HECW1: variants seen among roughly 807,000 people sequenced by gnomAD.
HECW1 encodes the protein HECT, C2 and WW domain containing E3 ubiquitin protein ligase 1, also known as E3 ubiquitin-protein ligase HECW1.
HECW1 carries 61 observed loss-of-function variants against 182.3 expected under a neutral mutation model. The ratio of observed to expected loss-of-function variants is 0.33; its 90% confidence interval spans 0.27 to 0.41. The LOEUF (loss-of-function observed/expected upper bound fraction) is 0.41, where lower values mean the gene tolerates loss of function less well. Ranked by LOEUF, HECW1 falls within the 10% of genes least tolerant of loss-of-function variation. The probability of loss-of-function intolerance (pLI) is 1.00; values close to 1 mark genes in which losing one functional copy is unlikely to be tolerated. For synonymous variants in HECW1, 859 were observed against 832.6 expected, an observed-to-expected ratio of 1.03 and a Z score of -0.55; for missense variants, 1,739 against 2,108.9, an observed-to-expected ratio of 0.82 and a Z score of 3.44.
intron 2 of HECW1, among the ~76,000 whole-genome samples, chr7:43,136,025 G>T (rs1583639576): frequency 6.9e-6 from 1 of 144,716 alleles, no homozygotes; most frequent in African/African-American, 2.6e-5. Context: ...TTCAAACTGT[G>T]ATTTTCCCCA....
chr7:43,247,965 A>G (rs1799588534), intron 3 of HECW1, among the ~76,000 whole-genome samples: 1 of 132,316 alleles, frequency 7.6e-6, no homozygotes, highest in Admixed American at 7.3e-5. Context: ...AGGAAAGAAA[A>G]AGAGAAAGGA....
intron 2 of HECW1, among the ~76,000 whole-genome samples, chr7:43,231,260 T>C (rs1485313667): frequency 6.6e-6 from 1 of 152,248 alleles, no homozygotes; most frequent in Non-Finnish European, 1.5e-5. Context: ...CTGGGAATCA[T>C]ATGTCCCTCC....
chr7:43,466,830 C>G (rs1206044140), intron 15 of HECW1, among the ~76,000 whole-genome samples: 1 of 152,104 alleles, frequency 6.6e-6, no homozygotes, highest in African/African-American at 2.4e-5. Flanking sequence ...GGAAACAAAC[C>G]TGTTTTTATT....
At chr7:43,183,415 G>A (rs1370748975) in intron 2 of HECW1, among the ~76,000 whole-genome samples, 1 of 152,104 alleles carries the variant, frequency 6.6e-6, no homozygotes. Flanking sequence ...ACACAATGTA[G>A]ACTCATTATT....
intron 24 of HECW1, among the ~76,000 whole-genome samples, chr7:43,532,172 TC>T (rs1167930360): frequency 6.6e-6 from 1 of 152,218 alleles, no homozygotes; most frequent in Non-Finnish European, 1.5e-5. Flanking sequence ...CGTGGACTGT[TC>T]CTGGTGCCTC....
intron 12 of HECW1, among the ~76,000 whole-genome samples, chr7:43,454,528 G>C (rs1265291968): frequency 1.3e-5 from 2 of 152,180 alleles, no homozygotes; most frequent in Non-Finnish European, 2.9e-5. Flanking sequence ...ATAATCATTA[G>C]ATCTATTTTA....
intron 13 of HECW1, among the ~76,000 whole-genome samples, chr7:43,462,611 T>G (rs1014505459): frequency 5.9e-5 from 9 of 152,094 alleles, no homozygotes; most frequent in African/African-American, 2.2e-4. Flanking sequence ...TGCGGGTGAT[T>G]CTGCGTAGCT....
intron 8 of HECW1, among the ~76,000 whole-genome samples, chr7:43,435,116 A>G (rs17801445): frequency 0.18 from 27,104 of 151,124 alleles, 3,049 homozygotes; most frequent in Non-Finnish European, 0.26. Flanking sequence ...CCATCTTATT[A>G]GCATTTAGTG....
intron 24 of HECW1, among the ~76,000 whole-genome samples, chr7:43,521,297 A>G (rs1301391144): frequency 6.6e-6 from 1 of 152,174 alleles, no homozygotes; most frequent in Non-Finnish European, 1.5e-5. Context: ...GTACAGTAGC[A>G]CCACCACGAT....
At chr7:43,443,699 T>A (rs952152869) in intron 10 of HECW1, among the ~76,000 whole-genome samples, 8 of 152,306 alleles carry the variant, frequency 5.3e-5, no homozygotes, top group Non-Finnish European at 8.8e-5. Context: ...GCCTGAGATA[T>A]TGAATGACTG....
At chr7:43,184,597 G>A (rs988897499) in intron 2 of HECW1, among the ~76,000 whole-genome samples, 2 of 152,142 alleles carry the variant, frequency 1.3e-5, no homozygotes, top group East Asian at 3.9e-4. Flanking sequence ...TTAGAGGATT[G>A]GGACTTTCAG....
chr7:43,339,013 C>T (rs1430319772), intron 5 of HECW1, among the ~76,000 whole-genome samples: 1 of 152,128 alleles, frequency 6.6e-6, no homozygotes, highest in Non-Finnish European at 1.5e-5. Flanking sequence ...TGTCATTTAT[C>T]TTCTGAAAAG....
intron 3 of HECW1, among the ~76,000 whole-genome samples, chr7:43,300,237 C>T (rs1806565369): frequency 6.6e-6 from 1 of 152,216 alleles, no homozygotes; most frequent in Non-Finnish European, 1.5e-5. Context: ...ATAGGAATCT[C>T]TTGAGGTAAA....
At chr7:43,308,258 TATG>T in intron 3 of HECW1, among the ~76,000 whole-genome samples, 3 of 101,032 alleles carry the variant, frequency 3.0e-5, no homozygotes, top group East Asian at 2.2e-4. Flanking sequence ...ATATATATTA[TATG>T]ATATATTTAT....
chr7:43,480,674 CAT>C (rs2078398333), intron 17 of HECW1, among the ~76,000 whole-genome samples: 1 of 138,612 alleles, frequency 7.2e-6, no homozygotes, highest in Non-Finnish European at 1.6e-5. Flanking sequence ...TATACACACA[CAT>C]ATATACGCAT....
rs531823251 is a variant in HECW1 at position 43,285,934 on chromosome 7, G to C, written c.28-25829G>C. ...TAATAGATTATACTGAAAGTACTAG[G>C]AATCCAAGTTTTGGCAAAGGCCAGT... On this transcript the variant is annotated intron_variant, in intron 3 of 29. Transcript: ENST00000395891. Among the ~76,000 whole-genome samples the C allele has an allele frequency of 1.3e-4, 20 of 152,346 alleles. No homozygotes were observed. The East Asian group carries it at 3.9e-3, about 29-fold the overall frequency.
chr7:43,528,823 G>A (rs2080866719), intron 24 of HECW1, among the ~76,000 whole-genome samples: 1 of 152,214 alleles, frequency 6.6e-6, no homozygotes. Flanking sequence ...TGTTGGCAGA[G>A]TCTCTTTCAT....
chr7:43,435,463 T>C (rs916274122), intron 8 of HECW1, among the ~76,000 whole-genome samples: 26 of 152,196 alleles, frequency 1.7e-4, no homozygotes, highest in Non-Finnish European at 5.9e-5. Flanking sequence ...AAAACTGATT[T>C]ATAATAGCAA....
At chr7:43,336,144 TTCTCTCTCTCTCTCTCTCTCTCTC>T (rs768468130) in intron 5 of HECW1, among the ~76,000 whole-genome samples, 3 of 51,924 alleles carry the variant, frequency 5.8e-5, no homozygotes, top group Admixed American at 3.0e-4. Context: ...CTCTCTCTCT[TTCTCTCTCTCTCTCTCTCTCTCTC>T]TCTCTCTCTC....
Sources: allele counts gnomAD v4.1 joint callset (sites outside exome capture counted in the v4.1 genomes callset), GRCh38; gene constraint gnomAD v4.1.1; transcripts MANE v1.5; gene names NCBI Gene and HGNC (gene_info 2026-07-23, HGNC 2026-07-21).